MADD: variants seen among roughly 807,000 people sequenced by gnomAD.
MADD encodes the protein MAP kinase activating death domain, also known as MAP kinase-activating death domain protein.
A neutral mutation model predicts 176.7 loss-of-function variants in MADD; 109 were observed. The ratio of observed to expected loss-of-function variants is 0.62; its 90% confidence interval spans 0.53 to 0.72. The LOEUF is 0.72. MADD is among the 30% of genes least tolerant of loss of function. The probability of loss-of-function intolerance (pLI) is 0.00; values close to 1 mark genes in which losing one functional copy is unlikely to be tolerated. For synonymous variants in MADD, 771 were observed against 771.3 expected (o/e 1.00, Z 0.01); for missense variants, 1,914 against 2,045.5 (o/e 0.94, Z 1.24).
At chr11:47,276,801 C>T in exon 5 of MADD, 1 of 1,614,114 alleles carries the variant, frequency 6.2e-7, no homozygotes, top group Non-Finnish European at 8.5e-7. Context: ...AATGATCTAC[C>T]CACTGGAGTA....
chr11:47,322,963 C>T (rs757569470), intron 27 of MADD, among the ~76,000 whole-genome samples: 10 of 152,028 alleles, frequency 6.6e-5, no homozygotes, highest in African/African-American at 1.4e-4. Context: ...CTGGGCCGGG[C>T]GCGGTGGCTC....
At position 47,289,777 on chromosome 11, in the gene MADD, C is replaced by G. The variant is rs2063668650; in HGVS notation, c.2757-90C>G. 4 of 1,424,308 alleles carry G rather than the reference C, an allele frequency of 2.8e-6. No homozygotes were observed. The East Asian group carries it at 9.6e-5, about 34-fold the overall frequency. 88.2% of individuals were successfully genotyped at this position (1,424,308 alleles called of 1,614,324 possible). ...TCAGAGACATGGCTTTGTGTTTTACCCCTGGAGGCAGACATCTAGTCTGGG... is the reference window on the plus strand; with the variant it reads ...TCAGAGACATGGCTTTGTGTTTTACGCCTGGAGGCAGACATCTAGTCTGGG... On this transcript the variant is annotated intron_variant, in intron 16 of 32. Transcript: ENST00000402192.
exon 3 of MADD, chr11:47,274,990 A>G (rs945918723): frequency 1.2e-6 from 2 of 1,614,204 alleles, no homozygotes; most frequent in Non-Finnish European, 1.7e-6. Flanking sequence ...ACGCCGGGCC[A>G]AGGCGGGGAG....
At chr11:47,309,710 T>A in intron 25 of MADD, 98 bp downstream of exon 28, 1 of 840,502 alleles carries the variant, frequency 1.2e-6, no homozygotes, top group South Asian at 1.4e-5. Flanking sequence ...GCTATCAAGG[T>A]ATCTTAACTT....
intron 15 of MADD, among the ~76,000 whole-genome samples, chr11:47,287,537 G>A (rs1210486656): frequency 6.6e-6 from 1 of 152,070 alleles, no homozygotes; most frequent in African/African-American, 2.4e-5. Context: ...AGCCTCCCGT[G>A]TAGTTGGAAT....
rs541251592 is a variant in MADD, at chr11:47,289,266, C to T, written c.2654-125C>T. 31 of 869,270 alleles carry T rather than the reference C, an allele frequency of 3.6e-5. 1 individual carries two copies. The highest frequency in any genetic ancestry group is 5.8e-5 in the Non-Finnish European group (31 of 535,064). The allele number at this position is 869,270 out of a possible 1,614,324, so 53.8% of individuals were successfully genotyped here. On this transcript the variant is annotated intron_variant, in intron 15 of 32. Transcript: ENST00000402192. The stretch of plus-strand genomic sequence containing the variant: ...GCTGGTTTCTACCTACGTATGATGC[C>T]TTGGTGCTACCCTCACCCAGCCCTT...
chr11:47,328,138 C>G, intron 31 of MADD: 8 of 1,013,786 alleles, frequency 7.9e-6, no homozygotes, highest in Non-Finnish European at 9.5e-6. Flanking sequence ...TATCATGTTA[C>G]CTCTTCATCC....
At chr11:47,275,227 G>A in intron 3 of MADD, 68 bp downstream of exon 3, 3 of 1,398,156 alleles carry the variant, frequency 2.1e-6, no homozygotes, top group Non-Finnish European at 2.9e-6. Flanking sequence ...TCTTTGAGGG[G>A]CATAGGAAAT....
intron 25 of MADD, 45 bp downstream of exon 28, chr11:47,309,657 G>A: frequency 1.4e-6 from 2 of 1,461,342 alleles, no homozygotes; most frequent in Non-Finnish European, 1.9e-6. Context: ...TCCTAGAGGG[G>A]CAAGGCTTGT....
chr11:47,327,313 C>A lies in MADD; in HGVS notation c.4612+506C>A. On this transcript the variant is annotated intron_variant, in intron 31 of 32. Transcript: ENST00000402192. ...GAGGAGTCTAGCGGGACAGCTGTAG[C>A]CGGAAGCTGGGAGCCAGCGCTAGGG... The A allele has an allele frequency of 4.0e-6, 4 of 988,416 alleles. No individual in the cohort carries two copies. The South Asian group carries it at 1.9e-4, about 46-fold the overall frequency. 61.2% of individuals were successfully genotyped at this position (988,416 alleles called of 1,614,324 possible). A position where few individuals can be genotyped will look rare whatever the true frequency, so the allele number is the denominator to read the frequency against.
At position 47,292,610 on chromosome 11, in the gene MADD, G is replaced by C; in HGVS notation, c.3302-1273G>C. On this transcript the variant is annotated intron_variant, in intron 19 of 32. Coordinates refer to ENST00000402192, the Ensembl canonical transcript of MADD. ...TGGAAAAACAGAGTAAGGAACAAATGCCCTTTCCTGTTCCCAAGTCCTCCA... is the reference window on the plus strand; with the variant it reads ...TGGAAAAACAGAGTAAGGAACAAATCCCCTTTCCTGTTCCCAAGTCCTCCA... 6.2e-7 allele frequency: 1 copy of C among 1,613,792 alleles called. No homozygotes were observed. The highest frequency in any genetic ancestry group is 1.1e-5 in the South Asian group (1 of 91,074).
chr11:47,290,679 C>G (rs1457785884), exon 19 of MADD: 1 of 1,614,160 alleles, frequency 6.2e-7, no homozygotes, highest in Non-Finnish European at 8.5e-7. Flanking sequence ...CCTGGCCTAG[C>G]TGGGCGGGGG....
chr11:47,327,821 C>G (rs938405776), intron 31 of MADD: 1 of 985,312 alleles, frequency 1.0e-6, no homozygotes, highest in African/African-American at 1.7e-5. Context: ...CAGGGAGATG[C>G]CAGGCCCCTC....
At chr11:47,324,922 T>C (rs949290745) in intron 30 of MADD, 2 of 599,702 alleles carry the variant, frequency 3.3e-6, no homozygotes, top group Non-Finnish European at 5.9e-6. Context: ...TCCCAGGATA[T>C]GCTTCTGCTT....
At chr11:47,278,315 G>A (rs1396098766) in intron 6 of MADD, 37 bp downstream of exon 6, 1 of 1,450,672 alleles carries the variant, frequency 6.9e-7, no homozygotes, top group Non-Finnish European at 9.7e-7. Context: ...GAGTCTAGAG[G>A]AGGATTGCAT....
chr11:47,288,900 G>A, intron 15 of MADD, 68 bp from the exon 16 acceptor site: 5 of 1,123,764 alleles, frequency 4.4e-6, no homozygotes, highest in Non-Finnish European at 6.5e-6. Context: ...CTGGCTTACT[G>A]CTCCTCGGAG....
intron 15 of MADD, among the ~76,000 whole-genome samples, chr11:47,287,599 G>A (rs1391097917): frequency 6.6e-6 from 1 of 151,618 alleles, no homozygotes; most frequent in South Asian, 2.1e-4. Context: ...TAGTAGAGAC[G>A]GGGTTTCACC....
intron 14 of MADD, 94 bp from the exon 15 acceptor site, chr11:47,286,339 A>G: frequency 2.5e-6 from 2 of 804,342 alleles, no homozygotes; most frequent in Non-Finnish European, 4.4e-6. Context: ...ATTGTGTTTG[A>G]AAAGGAGGGA....
chr11:47,289,818 G>T, intron 16 of MADD, 49 bp from the exon 18 acceptor site: 1 of 1,596,280 alleles, frequency 6.3e-7, no homozygotes, highest in Non-Finnish European at 8.6e-7. Flanking sequence ...GGTGGGGGGT[G>T]CTCTGCAAAG....
Sources: gnomAD v4.1 joint callset for allele counts (sites outside exome capture counted in the v4.1 genomes callset) on GRCh38, gnomAD v4.1.1 for gene constraint, MANE v1.5 for transcripts, NCBI Gene and HGNC (gene_info 2026-07-23, HGNC 2026-07-21) for gene names.